The following NLRP2 variants were observed in gnomAD, a reference collection of about 807,000 sequenced individuals.
The protein encoded by NLRP2 is NLR family pyrin domain containing 2.
NLRP2 carries 107 observed loss-of-function variants against 97.2 expected under a neutral mutation model. The ratio of observed to expected loss-of-function variants is 1.10; its 90% CI spans 0.94 to 1.29. The LOEUF (loss-of-function observed/expected upper bound fraction) is 1.29. Ranked by LOEUF, NLRP2 falls within the 50% of genes most tolerant of loss-of-function variation. The pLI, the probability that NLRP2 is intolerant of heterozygous loss-of-function variation, is 0.00. For synonymous variants in NLRP2, 663 were observed against 551.5 expected, an observed-to-expected ratio of 1.20 and a Z score of -2.83; for missense variants, 1,495 against 1,330.3, an observed-to-expected ratio of 1.12 and a Z score of -1.93.
intron 4 of NLRP2, among the ~76,000 whole-genome samples, chr19:54,978,862 AAT>A (rs2071404761): frequency 6.6e-6 from 1 of 151,056 alleles, no homozygotes; most frequent in African/African-American, 2.5e-5. Flanking sequence ...AAAAAAAAAA[AAT>A]TGACAGGCAT....
chr19:54,965,921 AAATAAT>A (rs1302916950), upstream of NLRP2: 1 of 69,102 alleles, frequency 1.4e-5, no homozygotes, highest in Non-Finnish European at 3.0e-5. Flanking sequence ...ATTAAAAATA[AAATAAT>A]AATAATACTG....
chr19:54,991,076 C>A, intron 10 of NLRP2: 2 of 227,794 alleles, frequency 8.8e-6, no homozygotes, highest in Admixed American at 5.1e-5. Flanking sequence ...AATCTGTGTT[C>A]TTAGAACTAT....
Position 54,978,629 on chromosome 19 carries a change from G to A in NLRP2, c.397+806G>A, listed in dbSNP as rs542023370. The stretch of plus-strand genomic sequence containing the variant: ...TCCCAGCACTTTGGGAGGCTGAGGC[G>A]GGTGGATCAAGAGATCGAGACCATC... On this transcript the variant is annotated intron_variant, in intron 4 of 12. Transcript: ENST00000448584. 5.9e-5 allele frequency among the ~76,000 whole-genome samples: 9 copies of A among 151,982 alleles called. No individual in the cohort carries two copies. The South Asian group carries it at 8.3e-4, about 14-fold the overall frequency.
rs756710911 is a variant in NLRP2 at position 54,977,721 on chromosome 19, A to T, written c.326-31A>T. Reference sequence around the variant, plus strand: ...TTGGAGTCCCACTGCCAGCACAGCAACAGGCCTGTAATGCCGCCCTTTTTC... The same window carrying T: ...TTGGAGTCCCACTGCCAGCACAGCATCAGGCCTGTAATGCCGCCCTTTTTC... On this transcript the variant is annotated intron_variant, in intron 3 of 12. Transcript: ENST00000448584. The T allele has an allele frequency of 1.1e-4, 172 of 1,610,128 alleles. 3 individuals carry two copies. In the South Asian group the frequency reaches 1.8e-3, roughly 17 times the overall value.
chr19:54,984,329 G>GTGTGTTGTTTTTTTTTTTTTTTTTTTTTT, intron 6 of NLRP2, among the ~76,000 whole-genome samples: 6 of 79,670 alleles, frequency 7.5e-5, no homozygotes, highest in Non-Finnish European at 1.5e-4. Flanking sequence ...TTTTTTTTGT[G>GTGTGTTGTTTTTTTTTTTTTTTTTTTTTT]TTTTTTTTTT....
At chr19:54,993,738 A>C (rs2072637242) in intron 10 of NLRP2, 3 of 246,718 alleles carry the variant, frequency 1.2e-5, no homozygotes, top group South Asian at 1.1e-4. Flanking sequence ...ACACACACAC[A>C]CCCCCCTGTA....
rs2072635789 is a variant in NLRP2 at position 54,993,722 on chromosome 19, G to A, written c.2709-547G>A. The A allele has an allele frequency of 4.9e-5, 9 of 184,978 alleles. No homozygotes were observed. In the South Asian group the frequency reaches 7.6e-4, roughly 16 times the overall value. 11.5% of individuals were successfully genotyped at this position (184,978 alleles called of 1,614,324 possible). A position where few individuals can be genotyped will look rare whatever the true frequency, so the allele number is the denominator to read the frequency against. ...TAGCTGGGTGTGGTGGCACGCGCAT[G>A]TGTGTACACACACACACCCCCCTGT... On this transcript the variant is annotated intron_variant, in intron 10 of 12. Coordinates refer to ENST00000448584, the MANE Select transcript of NLRP2 (RefSeq NM_017852.5).
In NLRP2 at chr19:54,983,289, G is replaced by A. The variant is rs1450202535; in HGVS notation, c.1591G>A (p.Asp531Asn). 3.1e-6 allele frequency: 5 copies of A among 1,614,032 alleles called. No homozygotes were observed. Among genetic ancestry groups the A allele is most frequent in the African/African-American group, 2.7e-5 (2 of 74,914 alleles). Residue 531 changes from aspartate to asparagine, a missense_variant, in exon 6 of 13, where the codon GAC becomes AAC. Transcript: ENST00000448584. Reference protein sequence around the residue: ...EEEDRDGHTWDIGDVQKLLSG... With the variant: ...EEEDRDGHTWNIGDVQKLLSG... ...AGAGGATAGGGACGGCCACACCTGG[G>A]ACATTGGGGACGTACAGAAGCTGCT...
intron 10 of NLRP2, chr19:54,990,897 C>CG (rs1568526294): frequency 1.3e-5 from 7 of 556,648 alleles, no homozygotes; most frequent in East Asian, 2.9e-5. Flanking sequence ...AGCTGGTTTT[C>CG]GGGTTTTTTT....
chr19:54,983,529 G>C lies in NLRP2; in HGVS notation c.1831G>C (p.Glu611Gln), dbSNP rs1451115316. 10 of 1,614,182 alleles carry C rather than the reference G, an allele frequency of 6.2e-6. No homozygotes were observed. The highest frequency in any genetic ancestry group is 8.5e-6 in the Non-Finnish European group (10 of 1,180,024). ...DLQELLGCLY[E>Q]SQEEELVKEV... The stretch of plus-strand genomic sequence containing the variant: ...GCAGGAGCTCCTCGGCTGTCTGTAC[G>C]AGTCTCAGGAGGAGGAGCTGGTGAA... The change falls in exon 6 of 13, where the codon GAG (glutamate) becomes CAG (glutamine). Residue 611 changes from glutamate to glutamine, a missense_variant. Transcript: ENST00000448584.
intron 10 of NLRP2, chr19:54,993,999 C>G: frequency 1.8e-6 from 1 of 550,828 alleles, no homozygotes; most frequent in Admixed American, 3.1e-5. Flanking sequence ...CCTGTGATTG[C>G]TGGACCTACC....
At chr19:54,978,720 G>A (rs888362364) in intron 4 of NLRP2, among the ~76,000 whole-genome samples, 5 of 151,410 alleles carry the variant, frequency 3.3e-5, no homozygotes, top group African/African-American at 1.2e-4. Flanking sequence ...GGTGGCACCC[G>A]CCTGTAGTCC....
rs778191634 is a variant in NLRP2 at position 54,983,258 on chromosome 19, G to GGAGGAA, written c.1566_1571dup (p.Glu522_Glu523dup). The GGAGGAA allele has an allele frequency of 2.5e-6, 4 of 1,613,436 alleles. No individual in the cohort carries two copies. Among genetic ancestry groups the GGAGGAA allele is most frequent in the Non-Finnish European group, 3.4e-6 (4 of 1,179,356 alleles). ...CCCTGTTCTACACCCTGGAGAAGGA[G>GGAGGAA]GAGGAAGAGGATAGGGACGGCCACA... On this transcript the variant is annotated inframe_insertion, in exon 6 of 13. Transcript: ENST00000448584.
chr19:54,976,806 C>G (rs954625717), intron 3 of NLRP2: 1 of 238,616 alleles, frequency 4.2e-6, no homozygotes, highest in African/African-American at 1.4e-4. Context: ...CCACCTTGTT[C>G]TCTCTCTTTT....
rs185294002 is a variant in NLRP2, at chr19:54,998,230, G to A, written c.3050+743G>A. The stretch of plus-strand genomic sequence containing the variant: ...GACAGGGTTTTGCCATGTTGGCCAG[G>A]GTGGTCTCAAACTCCTGACCTCCGT... On this transcript the variant is annotated intron_variant, in intron 12 of 12. Coordinates refer to ENST00000448584, the MANE Select transcript of NLRP2 (RefSeq NM_017852.5). 2.0e-5 allele frequency among the ~76,000 whole-genome samples: 3 copies of A among 151,764 alleles called. No homozygotes were observed. The South Asian group carries it at 6.3e-4, about 32-fold the overall frequency.
intron 10 of NLRP2, 145 bp from the exon 11 acceptor site, chr19:54,994,124 T>C: frequency 1.1e-6 from 1 of 890,464 alleles, no homozygotes; most frequent in Non-Finnish European, 1.8e-6. Context: ...GCCATTCTTC[T>C]GTCCACCACA....
intron 8 of NLRP2, among the ~76,000 whole-genome samples, chr19:54,987,130 C>A (rs565232763): frequency 1.7e-4 from 26 of 149,484 alleles, no homozygotes; most frequent in South Asian, 4.3e-4. Context: ...GGTGATCTAC[C>A]CCCCCACCCC....
intron 8 of NLRP2, 190 bp downstream of exon 8, chr19:54,986,505 A>G (rs545636177): frequency 4.0e-5 from 26 of 643,780 alleles, no homozygotes; most frequent in Non-Finnish European, 7.0e-5. Context: ...CACCCTGGAC[A>G]ACCATACGTG....
At chr19:54,980,052 G>A (rs553590670) in intron 4 of NLRP2, among the ~76,000 whole-genome samples, 3 of 152,216 alleles carry the variant, frequency 2.0e-5, no homozygotes, top group South Asian at 4.1e-4. Flanking sequence ...TGGGATGACA[G>A]GCGTGAGCCA....
Sources: gnomAD v4.1 joint callset for allele counts (sites outside exome capture counted in the v4.1 genomes callset) on GRCh38, gnomAD v4.1.1 for gene constraint, MANE v1.5 for transcripts, NCBI Gene and HGNC (gene_info 2026-07-23, HGNC 2026-07-21) for gene names.